Variants in SRGAP2 observed in about 807,000 individuals in gnomAD.
SRGAP2 encodes SLIT-ROBO Rho GTPase activating protein 2.
A neutral mutation model predicts 57.2 loss-of-function variants in SRGAP2; 15 were observed. That is an observed-to-expected ratio of 0.26 (90% CI 0.18 to 0.40). The LOEUF is 0.40. Ranked by LOEUF, SRGAP2 falls within the 10% of genes least tolerant of loss-of-function variation. The pLI, the probability that SRGAP2 is intolerant of heterozygous loss-of-function variation, is 1.00. For synonymous variants in SRGAP2, 249 were observed against 248.0 expected (o/e 1.00, Z -0.04); for missense variants, 520 against 669.6 (o/e 0.78, Z 2.47).
chr1:206,314,090 T>C (rs1672871851), intron 3 of SRGAP2, among the ~76,000 whole-genome samples: 2 of 129,582 alleles, frequency 1.5e-5, no homozygotes, highest in Non-Finnish European at 1.6e-5. Flanking sequence ...AGAGAGGGGC[T>C]TTTTTGTTTT....
intron 3 of SRGAP2, among the ~76,000 whole-genome samples, chr1:206,321,773 G>T (rs1402807788): frequency 2.0e-5 from 3 of 151,132 alleles, no homozygotes; most frequent in African/African-American, 7.3e-5. Context: ...CTTCAAGCTG[G>T]CTTCTGTGTC....
rs545756021 is a variant in SRGAP2, at chr1:206,335,509, G to A, written c.261-7337G>A. 3.9e-3 allele frequency among the ~76,000 whole-genome samples: 585 copies of A among 151,670 alleles called. 4 individuals are homozygous for A. The highest frequency in any genetic ancestry group is 0.013 in the African/African-American group (532 of 41,366). The stretch of plus-strand genomic sequence containing the variant: ...GTTGTGGCTGATGCACAGTTTAGGA[G>A]CAGGAAAGCCATGTCTTGGATCCAG... On this transcript the variant is annotated intron_variant, in intron 3 of 22. Transcript: ENST00000573034.
At position 206,435,366 on chromosome 1, in the gene SRGAP2, T is replaced by G. The variant is rs1413390070; in HGVS notation, c.1556-1599T>G. 2.0e-5 allele frequency among the ~76,000 whole-genome samples: 3 copies of G among 152,370 alleles called. No individual in the cohort carries two copies. In the East Asian group the frequency reaches 5.8e-4, roughly 29 times the overall value. On this transcript the variant is annotated intron_variant, in intron 14 of 22. Coordinates refer to ENST00000573034, the MANE Select transcript of SRGAP2 (RefSeq NM_015326.5). ...GATTTCTCCAGCATGTCAAGGTTTT[T>G]GAAGGATTGTGCCGTAACAGAGGGA...
At chr1:206,415,840 C>A (rs57110946) in intron 10 of SRGAP2, 49 bp from the exon 11 acceptor site, 1 of 742,754 alleles carries the variant, frequency 1.3e-6, no homozygotes, top group South Asian at 1.4e-5. Context: ...TGATTTTTTT[C>A]TTCTTCTTCA....
At chr1:206,373,005 CTTTCTTTCTTTCTTTCT>C (rs1654815186) in intron 4 of SRGAP2, among the ~76,000 whole-genome samples, 1 of 99,778 alleles carries the variant, frequency 1.0e-5, no homozygotes, top group Non-Finnish European at 2.0e-5. Context: ...TTCTTTCTTT[CTTTCTTTCTTTCTTTCT>C]TTCTTTTCTT....
At chr1:206,262,340 A>G (rs1553313696) in intron 2 of SRGAP2, among the ~76,000 whole-genome samples, 1 of 149,470 alleles carries the variant, frequency 6.7e-6, no homozygotes, top group African/African-American at 2.5e-5. Flanking sequence ...AGATAATAGA[A>G]ATAAAGTTGG....
At chr1:206,423,112 T>G (rs1660459382) in intron 13 of SRGAP2, among the ~76,000 whole-genome samples, 1 of 152,250 alleles carries the variant, frequency 6.6e-6, no homozygotes, top group South Asian at 2.1e-4. Flanking sequence ...TTTTTGACCC[T>G]GTCAAAGACT....
chr1:206,372,973 CTTTCTTTCTTTCTTTCTTTCTT>C (rs1654775897), intron 4 of SRGAP2, among the ~76,000 whole-genome samples: 9 of 31,208 alleles, frequency 2.9e-4, no homozygotes, highest in African/African-American at 1.2e-3. Context: ...TCCTTTCTTT[CTTTCTTTCTTTCTTTCTTTCTT>C]TCTTTCTTTC....
In SRGAP2 at chr1:206,419,762, G is replaced by A. The variant is rs115609673; in HGVS notation, c.1469+362G>A. On this transcript the variant is annotated intron_variant, in intron 12 of 22. Coordinates refer to ENST00000573034, the MANE Select transcript of SRGAP2 (RefSeq NM_015326.5). ...TGCTAGACTTCAACATAGGGGCTCT[G>A]GGGAGTCTCTGACCCAGAGAAAGAA... Among the ~76,000 whole-genome samples the A allele has an allele frequency of 2.6e-3, 391 of 151,692 alleles. 1 individual carries two copies. Among genetic ancestry groups the A allele is most frequent in the African/African-American group, 9.2e-3 (381 of 41,320 alleles).
intron 13 of SRGAP2, among the ~76,000 whole-genome samples, chr1:206,424,718 G>A (rs1218111600): frequency 6.6e-6 from 1 of 152,198 alleles, no homozygotes; most frequent in Non-Finnish European, 1.5e-5. Context: ...GTGGTGAAGT[G>A]CAGGTCTTCG....
At chr1:206,424,603 C>T (rs1553365631) in intron 13 of SRGAP2, among the ~76,000 whole-genome samples, 2 of 152,140 alleles carry the variant, frequency 1.3e-5, no homozygotes, top group African/African-American at 4.8e-5. Flanking sequence ...TCCAGTGAGC[C>T]GAGATCATGC....
intron 2 of SRGAP2, among the ~76,000 whole-genome samples, chr1:206,256,732 G>GTAAAATCTGGGTGACAAAATC (rs1553312470): frequency 6.6e-6 from 1 of 151,416 alleles, no homozygotes; most frequent in African/African-American, 2.4e-5. Flanking sequence ...TGCCTGCCAG[G>GTAAAATCTGGGTGACAAAATC]TAAAATCTGG....
intron 10 of SRGAP2, among the ~76,000 whole-genome samples, chr1:206,413,190 C>T (rs1051233412): frequency 3.3e-5 from 5 of 152,148 alleles, no homozygotes; most frequent in East Asian, 1.9e-4. Flanking sequence ...GCAGTCTGGT[C>T]TTGTTTTGAA....
chr1:206,277,659 GTTGTTTATC>G (rs1670489920), intron 2 of SRGAP2, among the ~76,000 whole-genome samples: 1 of 149,376 alleles, frequency 6.7e-6, no homozygotes, highest in African/African-American at 2.5e-5. Context: ...TTGCATTTCA[GTTGTTTATC>G]TATGAGTAGA....
rs1663459423 is a variant in SRGAP2, at chr1:206,452,909, A to AAG, written c.2180-291_2180-290insAG. Among the ~76,000 whole-genome samples the AAG allele has an allele frequency of 2.2e-4, 33 of 147,412 alleles. 1 individual carries two copies. Among genetic ancestry groups the AAG allele is most frequent in the African/African-American group, 7.6e-4 (30 of 39,296 alleles). On this transcript the variant is annotated intron_variant, in intron 19 of 22. Coordinates refer to ENST00000573034, the MANE Select transcript of SRGAP2 (RefSeq NM_015326.5). ...CCAAAAAAAAAAAAAAAAAAAAAAA[A>AAG]TGGGATGCTTGAGTTGTGTTTTGAT...
intron 2 of SRGAP2, among the ~76,000 whole-genome samples, chr1:206,243,477 CA>C (rs1553309609): frequency 6.6e-6 from 1 of 152,104 alleles, no homozygotes; most frequent in Non-Finnish European, 1.5e-5. Flanking sequence ...GAACAGGAAA[CA>C]AGATGCTTCT....
At chr1:206,243,604 TTG>T (rs1304199701) in intron 2 of SRGAP2, among the ~76,000 whole-genome samples, 8 of 152,170 alleles carry the variant, frequency 5.3e-5, no homozygotes, top group Non-Finnish European at 1.2e-4. Flanking sequence ...GTTTCATTCT[TTG>T]TGTGTCTCAG....
In SRGAP2 at chr1:206,446,009, G is replaced by A. The variant is rs1553373577; in HGVS notation, c.1875-66G>A. On this transcript the variant is annotated intron_variant, in intron 17 of 22. Coordinates refer to ENST00000573034, the MANE Select transcript of SRGAP2 (RefSeq NM_015326.5). ...GCTTTTGCTCTTGGCAGCGCCTCCT[G>A]TGATTGTGTTTTCTGGGCATTCATG... 3.9e-6 allele frequency: 3 copies of A among 759,800 alleles called. No homozygotes were observed. In the East Asian group the frequency reaches 7.4e-5, roughly 19 times the overall value. 47.1% of individuals were successfully genotyped at this position (759,800 alleles called of 1,614,324 possible).
At chr1:206,272,788 T>C (rs1670197907) in intron 2 of SRGAP2, among the ~76,000 whole-genome samples, 1 of 152,236 alleles carries the variant, frequency 6.6e-6, no homozygotes, top group South Asian at 2.1e-4. Flanking sequence ...AGTTTTTCTT[T>C]TCCTCTTTTT....
Sources: gnomAD v4.1 joint callset for allele counts (sites outside exome capture counted in the v4.1 genomes callset) on GRCh38, gnomAD v4.1.1 for gene constraint, MANE v1.5 for transcripts, NCBI Gene and HGNC (gene_info 2026-07-23, HGNC 2026-07-21) for gene names.